The following WASHC4 variants were observed in gnomAD, a reference collection of about 807,000 sequenced individuals.
The protein encoded by WASHC4 is WASH complex subunit 7.
WASHC4 carries 86 observed loss-of-function variants against 166.6 expected under a neutral mutation model. The ratio of observed to expected loss-of-function variants is 0.52; its 90% confidence interval spans 0.43 to 0.62. The LOEUF is 0.62. WASHC4 is among the 20% of genes least tolerant of loss of function. WASHC4 has a pLI of 0.00. For missense variants in WASHC4, 1,262 were observed against 1,382.4 expected (o/e 0.91, Z 1.38); for synonymous variants, 446 against 451.6 (o/e 0.99, Z 0.16).
At chr12:105,163,293 T>G (rs1264564228) in intron 30 of WASHC4, among the ~76,000 whole-genome samples, 1 of 152,102 alleles carries the variant, frequency 6.6e-6, no homozygotes. Context: ...GTTTACCGTG[T>G]TTTTAGCTGG....
At position 105,168,358 on chromosome 12, in the gene WASHC4, T is replaced by C. The variant is rs944389350; in HGVS notation, c.*1427T>C. 2 of 152,522 alleles carry C rather than the reference T, an allele frequency of 1.3e-5. No individual in the cohort carries two copies. The highest frequency in any genetic ancestry group is 4.8e-5 in the African/African-American group (2 of 41,452). The allele number at this position is 152,522 out of a possible 1,614,324, so 9.4% of individuals were successfully genotyped here. On this transcript the variant is annotated 3_prime_UTR_variant, in exon 33 of 33. Transcript: ENST00000332180. ...ATGAACAGTGGATAGATTAAAGGCA[T>C]TTAATATTTGTAATTCATAATAACT...
intron 28 of WASHC4, among the ~76,000 whole-genome samples, chr12:105,157,808 G>A (rs1039537346): frequency 1.3e-5 from 2 of 152,076 alleles, no homozygotes; most frequent in Non-Finnish European, 2.9e-5. Context: ...ATGCGACTGG[G>A]GAATTGAAGT....
At position 105,115,722 on chromosome 12, in the gene WASHC4, C is replaced by A; in HGVS notation, c.429C>A (p.Phe143Leu). 6.3e-7 allele frequency: 1 copy of A among 1,595,878 alleles called. No homozygotes were observed. Among genetic ancestry groups the A allele is most frequent in the Non-Finnish European group, 8.6e-7 (1 of 1,163,656 alleles). The change falls in exon 6 of 33, where the codon TTC (phenylalanine) becomes TTA (leucine). Residue 143 changes from phenylalanine to leucine, a missense_variant. Transcript: ENST00000332180. ...CQIQMGRFIS[F>L]LQELSCFVTR... ...TTCAAATGGGGAGATTTATTTCATT[C>A]TTACAGGTAACTGATTTTTACTTTC...
intron 15 of WASHC4, among the ~76,000 whole-genome samples, chr12:105,140,046 A>G (rs1882690379): frequency 6.6e-6 from 1 of 151,580 alleles, no homozygotes; most frequent in Non-Finnish European, 1.5e-5. Flanking sequence ...TAATTTTTGT[A>G]TTTTTTAGTA....
intron 6 of WASHC4, among the ~76,000 whole-genome samples, chr12:105,116,893 A>G (rs1328657483): frequency 6.6e-6 from 1 of 152,178 alleles, no homozygotes; most frequent in African/African-American, 2.4e-5. Flanking sequence ...AGGATCTGGG[A>G]GCTTGGAGAA....
chr12:105,143,238 A>C lies in WASHC4; in HGVS notation c.2005A>C (p.Asn669His). Residue 669 changes from asparagine (N) to histidine (H), a missense_variant, in exon 20 of 33, where the codon AAT becomes CAT. Physicochemically the swap from Asn to His is moderately conservative, Grantham distance 68 (BLOSUM62 1). Transcript: ENST00000332180. ...CYDKEIMEIL[N>H]EHLLDKLCKE... is the part of the protein sequence containing the mutation. ...TGACAAGGAAATTATGGAAATTTTA[A>C]ATGAGGTAACATCATATTTGAGATT... 1 of 1,490,076 alleles carries C rather than the reference A, an allele frequency of 6.7e-7. No homozygotes were observed. Among genetic ancestry groups the C allele is most frequent in the Non-Finnish European group, 9.4e-7 (1 of 1,067,492 alleles). The allele number at this position is 1,490,076 out of a possible 1,614,324, so 92.3% of individuals were successfully genotyped here.
chr12:105,115,613 GTTTAAAT>G lies in WASHC4; in HGVS notation c.368-45_368-39del. The G allele has an allele frequency of 2.2e-6, 3 of 1,387,568 alleles. No individual in the cohort carries two copies. The South Asian group carries it at 3.5e-5, about 16-fold the overall frequency. 86.0% of individuals were successfully genotyped at this position (1,387,568 alleles called of 1,614,324 possible). A position where few individuals can be genotyped will look rare whatever the true frequency, so the allele number is the denominator to read the frequency against. On this transcript the variant is annotated intron_variant, in intron 5 of 32. Coordinates refer to ENST00000332180, the MANE Select transcript of WASHC4 (RefSeq NM_015275.3). ...TTCCCCCTTTTTTGGTATTGATTGA[GTTTAAAT>G]TTAAAAAATGAAATATGCTTATTCA...
intron 26 of WASHC4, 138 bp from the exon 27 acceptor site, chr12:105,156,585 TAAG>T (rs1884175816): frequency 5.2e-6 from 3 of 580,078 alleles, no homozygotes; most frequent in South Asian, 2.3e-5. Flanking sequence ...CTTTTTATGA[TAAG>T]AACTGAAGTA....
rs962710451 is a variant in WASHC4, at chr12:105,156,717, G to T, written c.2759-9G>T. ...TATAAATATCTGATTTTTTTGTGTGGTTTTTAAGGTAATGCTATGGGCTAT... is the reference window on the plus strand; with the variant it reads ...TATAAATATCTGATTTTTTTGTGTGTTTTTTAAGGTAATGCTATGGGCTAT... On this transcript the variant is annotated splice_polypyrimidine_tract_variant and intron_variant, in intron 26 of 32. Transcript: ENST00000332180. The T allele has an allele frequency of 2.4e-5, 38 of 1,602,974 alleles. No individual in the cohort carries two copies. Among genetic ancestry groups the T allele is most frequent in the Non-Finnish European group, 3.0e-5 (35 of 1,170,944 alleles).
intron 7 of WASHC4, 27 bp downstream of exon 7, chr12:105,118,555 T>C: frequency 7.3e-7 from 1 of 1,374,966 alleles, no homozygotes; most frequent in Non-Finnish European, 1.0e-6. Context: ...ATATTTTTGC[T>C]TTTATAATAG....
intron 13 of WASHC4, 71 bp from the exon 14 acceptor site, chr12:105,133,699 T>G: frequency 4.9e-6 from 6 of 1,228,244 alleles, no homozygotes; most frequent in Non-Finnish European, 7.2e-6. Context: ...GGAAATAATG[T>G]ACTGCAATCA....
At position 105,142,299 on chromosome 12, in the gene WASHC4, T is replaced by G. The variant is rs184060341; in HGVS notation, c.1788-154T>G. On this transcript the variant is annotated intron_variant, in intron 18 of 32. Coordinates refer to ENST00000332180, the MANE Select transcript of WASHC4 (RefSeq NM_015275.3). ...CTTTGTTTCATTTTGATAGTATTTCTTTTGTGACTTTTCTATACTATGTTG... is the reference window on the plus strand; with the variant it reads ...CTTTGTTTCATTTTGATAGTATTTCGTTTGTGACTTTTCTATACTATGTTG... 6.7e-4 allele frequency among the ~76,000 whole-genome samples: 102 copies of G among 152,280 alleles called. No homozygotes were observed. The East Asian group carries it at 0.017, about 25-fold the overall frequency.
Position 105,144,438 on chromosome 12 carries a change from GT to G in WASHC4, c.2165del (p.Phe722SerfsTer8). The G allele has an allele frequency of 8.1e-6, 13 of 1,610,564 alleles. No individual in the cohort carries two copies. The highest frequency in any genetic ancestry group is 1.1e-5 in the Non-Finnish European group (13 of 1,178,842). ...FSLNPIRFFN[R>X]FIDIRAYVTH... Reference sequence around the variant, plus strand: ...CTGAATCCAATTCGGTTTTTCAATCGTTTCATTGACATTCGGGGTGAGTGTT... The same window carrying G: ...CTGAATCCAATTCGGTTTTTCAATCGTTCATTGACATTCGGGGTGAGTGTT... On this transcript the variant is annotated frameshift_variant, in exon 21 of 33. Transcript: ENST00000332180. LOFTEE classifies it high-confidence loss of function.
intron 14 of WASHC4, among the ~76,000 whole-genome samples, chr12:105,137,563 C>T (rs2135782491): frequency 6.6e-6 from 1 of 152,140 alleles, no homozygotes; most frequent in East Asian, 1.9e-4. Context: ...TGAATAGATA[C>T]CTTTCTAACA....
chr12:105,165,506 C>T (rs1002366676), intron 32 of WASHC4, among the ~76,000 whole-genome samples: 10 of 152,178 alleles, frequency 6.6e-5, no homozygotes, highest in South Asian at 4.2e-4. Context: ...CTAGATACAG[C>T]GACTAGTTAA....
chr12:105,137,946 T>A lies in WASHC4; in HGVS notation c.1387T>A (p.Ser463Thr). ...TAAAACCACAATGAATCTCTACATG[T>A]CCATGCAAAAGCCAATGACCAAAAC... ...IIKTTMNLYM[S>T]MQKPMTKTSV... Residue 463 changes from serine (S) to threonine (T), a missense_variant, in exon 15 of 33, where the codon TCC becomes ACC. Coordinates refer to ENST00000332180, the MANE Select transcript of WASHC4 (RefSeq NM_015275.3). 1 of 1,612,860 alleles carries A rather than the reference T, an allele frequency of 6.2e-7. No individual in the cohort carries two copies. Among genetic ancestry groups the A allele is most frequent in the Non-Finnish European group, 8.5e-7 (1 of 1,179,024 alleles).
At chr12:105,144,904 G>A (rs1431981342) in intron 22 of WASHC4, 32 bp downstream of exon 22, 5 of 1,601,906 alleles carry the variant, frequency 3.1e-6, no homozygotes, top group Non-Finnish European at 4.3e-6. Context: ...TTAGCATACT[G>A]TGACTGTTGG....
At chr12:105,118,992 A>G (rs953284281) in intron 7 of WASHC4, among the ~76,000 whole-genome samples, 1 of 152,238 alleles carries the variant, frequency 6.6e-6, no homozygotes, top group Non-Finnish European at 1.5e-5. Context: ...AAATATACAC[A>G]GTAAAATTTA....
chr12:105,131,507 A>G (rs1157221233), intron 13 of WASHC4, among the ~76,000 whole-genome samples: 4 of 152,230 alleles, frequency 2.6e-5, no homozygotes, highest in African/African-American at 7.2e-5. Context: ...AGCTGGCTGA[A>G]TGCTGTTCAC....
Sources: gnomAD v4.1 joint callset for allele counts (sites outside exome capture counted in the v4.1 genomes callset) on GRCh38, gnomAD v4.1.1 for gene constraint, MANE v1.5 for transcripts, NCBI Gene and HGNC (gene_info 2026-07-23, HGNC 2026-07-21) for gene names.